Variants in PXDNL observed in about 807,000 individuals in gnomAD.
PXDNL encodes the protein peroxidasin like.
PXDNL carries 145 observed loss-of-function variants against 150.8 expected under a neutral mutation model. The ratio of observed to expected loss-of-function variants is 0.96; its 90% CI spans 0.84 to 1.10. The LOEUF (loss-of-function observed/expected upper bound fraction) is 1.10, where lower values mean the gene tolerates loss of function less well. PXDNL is among the 50% of genes least tolerant of loss of function. The probability of loss-of-function intolerance (pLI) is 0.00; values close to 1 mark genes in which losing one functional copy is unlikely to be tolerated. For synonymous variants in PXDNL, 757 were observed against 725.7 expected (o/e 1.04, Z -0.69); for missense variants, 2,087 against 1,873.9 (o/e 1.11, Z -2.10).
intron 10 of PXDNL, among the ~76,000 whole-genome samples, chr8:51,449,674 T>C (rs1306866756): frequency 6.6e-6 from 1 of 152,226 alleles, no homozygotes; most frequent in African/African-American, 2.4e-5. Flanking sequence ...AAGAAATAGC[T>C]AATAGCTGCA....
At chr8:51,427,043 T>A (rs1230716151) in intron 12 of PXDNL, among the ~76,000 whole-genome samples, 1 of 152,232 alleles carries the variant, frequency 6.6e-6, no homozygotes, top group Admixed American at 6.5e-5. Context: ...GTACAGGACT[T>A]TCATTATTCT....
At position 51,499,779 on chromosome 8, in the gene PXDNL, C is replaced by CA; in HGVS notation, c.381-10dup. On this transcript the variant is annotated splice_polypyrimidine_tract_variant and intron_variant, in intron 4 of 22. Transcript: ENST00000356297. Reference sequence around the variant, plus strand: ...GGTTGAAATGAATATACCTGGAAGGCAAAAAATCAAGTTGGTTACTCCTTG... The same window carrying CA: ...GGTTGAAATGAATATACCTGGAAGGCAAAAAAATCAAGTTGGTTACTCCTTG... 4 of 1,602,724 alleles carry CA rather than the reference C, an allele frequency of 2.5e-6. No individual in the cohort carries two copies. Among genetic ancestry groups the CA allele is most frequent in the Non-Finnish European group, 3.4e-6 (4 of 1,170,706 alleles).
chr8:51,718,944 CG>C (rs1306992075), intron 1 of PXDNL, among the ~76,000 whole-genome samples: 1 of 151,972 alleles, frequency 6.6e-6, no homozygotes, highest in African/African-American at 2.4e-5. Context: ...GGGAGGGAGG[CG>C]GGGGGCAGCC....
chr8:51,510,043 A>C (rs1321928641), intron 4 of PXDNL, among the ~76,000 whole-genome samples: 1 of 152,022 alleles, frequency 6.6e-6, no homozygotes, highest in African/African-American at 2.4e-5. Context: ...TATTATCTAT[A>C]TTGCAGGGCT....
intron 1 of PXDNL, among the ~76,000 whole-genome samples, chr8:51,683,045 T>A (rs1344756820): frequency 2.0e-5 from 3 of 151,330 alleles, no homozygotes; most frequent in African/African-American, 7.3e-5. Context: ...TAGTTATATT[T>A]TTAATTTTCT....
chr8:51,678,270 G>A (rs1815668688), intron 1 of PXDNL, among the ~76,000 whole-genome samples: 1 of 152,120 alleles, frequency 6.6e-6, no homozygotes, highest in Non-Finnish European at 1.5e-5. Context: ...TCTCAGACTT[G>A]TTTCTTCAGT....
At chr8:51,554,857 C>T (rs898430948) in intron 4 of PXDNL, among the ~76,000 whole-genome samples, 1 of 152,174 alleles carries the variant, frequency 6.6e-6, no homozygotes, top group Non-Finnish European at 1.5e-5. Context: ...ACTTTCCCTA[C>T]AGCTCTCCTT....
intron 10 of PXDNL, among the ~76,000 whole-genome samples, chr8:51,450,922 C>T (rs1450290523): frequency 6.6e-6 from 1 of 152,074 alleles, no homozygotes; most frequent in African/African-American, 2.4e-5. Flanking sequence ...CAGAACATTA[C>T]ACTAACTCCC....
intron 4 of PXDNL, among the ~76,000 whole-genome samples, chr8:51,536,978 G>A (rs1812092578): frequency 6.6e-6 from 1 of 152,224 alleles, no homozygotes; most frequent in Non-Finnish European, 1.5e-5. Flanking sequence ...GCCTGGCACA[G>A]CTTTTATGCC....
chr8:51,774,648 C>T (rs2037332986), intron 1 of PXDNL, among the ~76,000 whole-genome samples: 2 of 151,974 alleles, frequency 1.3e-5, no homozygotes, highest in South Asian at 4.1e-4. Context: ...GAAACCCTGT[C>T]TCTACTAAAA....
In PXDNL at chr8:51,728,322, A is replaced by G. The variant is rs575566207; in HGVS notation, c.165-73562T>C. 9.2e-5 allele frequency among the ~76,000 whole-genome samples: 14 copies of G among 152,368 alleles called. No homozygotes were observed. In the East Asian group the frequency reaches 2.5e-3, roughly 27 times the overall value. On this transcript the variant is annotated intron_variant, in intron 1 of 22. Coordinates refer to ENST00000356297, the MANE Select transcript of PXDNL (RefSeq NM_144651.5). Reference sequence around the variant, plus strand: ...GATTTATATACTCATTATACTTTTAATCATTATTTTAGTTACTCCTTCTGC... The same window carrying G: ...GATTTATATACTCATTATACTTTTAGTCATTATTTTAGTTACTCCTTCTGC...
chr8:51,735,541 T>G lies in PXDNL; in HGVS notation c.164+73640A>C, dbSNP rs1290209506. Among the ~76,000 whole-genome samples, 35 of 118,376 alleles carry G rather than the reference T, an allele frequency of 3.0e-4. 2 individuals carry two copies. Among genetic ancestry groups the G allele is most frequent in the African/African-American group, 1.1e-3 (30 of 26,942 alleles). 77.7% of individuals were successfully genotyped at this position (118,376 alleles called of 152,430 possible). On this transcript the variant is annotated intron_variant, in intron 1 of 22. Transcript: ENST00000356297. ...ATTAAAAATTGTTTTTTTTTTTTTT[T>G]TTTTTTTTTTTTTTTTTTTTTTTGA... is the stretch of plus-strand genomic sequence containing the variant.
At chr8:51,475,594 T>A (rs1383758305) in intron 6 of PXDNL, among the ~76,000 whole-genome samples, 1 of 152,116 alleles carries the variant, frequency 6.6e-6, no homozygotes, top group East Asian at 1.9e-4. Flanking sequence ...CAAGGCTCCC[T>A]CTCCAAAGAT....
intron 4 of PXDNL, among the ~76,000 whole-genome samples, chr8:51,505,161 C>T (rs1585533285): frequency 6.6e-6 from 1 of 152,186 alleles, no homozygotes; most frequent in African/African-American, 2.4e-5. Context: ...ACACATTTGA[C>T]ATCTCGTATC....
At chr8:51,599,734 T>C (rs1813654976) in intron 2 of PXDNL, among the ~76,000 whole-genome samples, 1 of 146,656 alleles carries the variant, frequency 6.8e-6, no homozygotes, top group Admixed American at 6.9e-5. Context: ...TAATAAATTA[T>C]ATCTTATATA....
intron 2 of PXDNL, among the ~76,000 whole-genome samples, chr8:51,605,273 A>G (rs928884840): frequency 6.6e-6 from 1 of 152,146 alleles, no homozygotes; most frequent in Non-Finnish European, 1.5e-5. Context: ...GAAACTATCA[A>G]TTTGATAAAG....
At chr8:51,563,754 A>T (rs1006131922) in intron 3 of PXDNL, among the ~76,000 whole-genome samples, 4 of 151,988 alleles carry the variant, frequency 2.6e-5, no homozygotes, top group Admixed American at 2.0e-4. Flanking sequence ...CATTGTAAAC[A>T]TATTTCCATG....
chr8:51,626,303 A>G (rs1341592734), intron 2 of PXDNL, among the ~76,000 whole-genome samples: 1 of 152,170 alleles, frequency 6.6e-6, no homozygotes, highest in African/African-American at 2.4e-5. Context: ...CTTTTATTCT[A>G]TCTGATGTAT....
At chr8:51,466,840 G>C (rs898295604) in intron 8 of PXDNL, among the ~76,000 whole-genome samples, 2 of 152,042 alleles carry the variant, frequency 1.3e-5, no homozygotes, top group Non-Finnish European at 2.9e-5. Flanking sequence ...CAAAACCACA[G>C]TAATATGCCA....
Sources: allele counts gnomAD v4.1 joint callset (sites outside exome capture counted in the v4.1 genomes callset), GRCh38; gene constraint gnomAD v4.1.1; transcripts MANE v1.5; gene names NCBI Gene and HGNC (gene_info 2026-07-23, HGNC 2026-07-21).